CYRIA: variants seen among roughly 807,000 people sequenced by gnomAD.
CYRIA encodes the protein CYFIP related Rac1 interactor A.
In CYRIA, 15 loss-of-function variants were observed where a neutral mutation model predicts 43.9. That is an observed-to-expected ratio of 0.34 (90% CI 0.23 to 0.53). The LOEUF is 0.53. Among genes scored for constraint, CYRIA ranks in the 20% least tolerant of loss-of-function variants. The pLI is 0.94. For missense variants in CYRIA, 236 were observed against 394.2 expected (o/e 0.60, Z 3.40); for synonymous variants, 117 against 136.0 (o/e 0.86, Z 0.97).
At chr2:16,626,558 C>A (rs1669173006) in intron 1 of CYRIA, among the ~76,000 whole-genome samples, 1 of 152,158 alleles carries the variant, frequency 6.6e-6, no homozygotes, top group Admixed American at 6.5e-5. Flanking sequence ...CCCCACTACT[C>A]CAAACCAAAC....
chr2:16,643,591 ATTTTG>A (rs1159890447), intron 1 of CYRIA, among the ~76,000 whole-genome samples: 1 of 152,216 alleles, frequency 6.6e-6, no homozygotes, highest in Non-Finnish European at 1.5e-5. Flanking sequence ...TCCCTCTTCA[ATTTTG>A]TTTGCATTAC....
chr2:16,603,561 C>T (rs998139920), intron 2 of CYRIA, among the ~76,000 whole-genome samples: 2 of 152,142 alleles, frequency 1.3e-5, no homozygotes, highest in Non-Finnish European at 2.9e-5. Context: ...CTCCCTCCCC[C>T]TCTATTCTAC....
chr2:16,588,643 A>G (rs73211556), intron 2 of CYRIA, among the ~76,000 whole-genome samples: 11,692 of 152,100 alleles, frequency 0.077, 1,412 homozygotes, highest in African/African-American at 0.25. Flanking sequence ...GCATTTTAAA[A>G]ATACCTGTCC....
chr2:16,660,824 T>C (rs573189321), intron 1 of CYRIA, among the ~76,000 whole-genome samples: 73 of 152,300 alleles, frequency 4.8e-4, no homozygotes, highest in African/African-American at 1.8e-3. Flanking sequence ...GAAACACATC[T>C]GTCTGCAGCG....
Position 16,552,689 on chromosome 2 carries a change from T to C in CYRIA, c.*247A>G, listed in dbSNP as rs139923046. The C allele has an allele frequency of 2.5e-3, 1,141 of 459,674 alleles. 11 individuals carry two copies. The Admixed American group carries it at 0.028, about 11-fold the overall frequency. The allele number at this position is 459,674 out of a possible 1,614,324, so 28.5% of individuals were successfully genotyped here. A position where few individuals can be genotyped will look rare whatever the true frequency, so the allele number is the denominator to read the frequency against. ...TGTTAAAGGACTCCAGTAGCAAAGA[T>C]CAAAGTCTCCGAATTTTGCCTTTGG... On this transcript the variant is annotated 3_prime_UTR_variant, in exon 12 of 12. Transcript: ENST00000381323.
At chr2:16,618,378 G>T (rs1232385770) in intron 2 of CYRIA, among the ~76,000 whole-genome samples, 1 of 152,204 alleles carries the variant, frequency 6.6e-6, no homozygotes, top group Non-Finnish European at 1.5e-5. Flanking sequence ...GTTTTGGAGA[G>T]AATGGGGTCA....
intron 1 of CYRIA, among the ~76,000 whole-genome samples, chr2:16,663,108 T>C (rs1230303539): frequency 6.6e-6 from 1 of 152,266 alleles, no homozygotes; most frequent in East Asian, 1.9e-4. Flanking sequence ...TTTCAATCTC[T>C]GGACAGTGGT....
At chr2:16,652,738 C>T (rs1428880365) in intron 1 of CYRIA, among the ~76,000 whole-genome samples, 1 of 152,144 alleles carries the variant, frequency 6.6e-6, no homozygotes, top group Non-Finnish European at 1.5e-5. Context: ...TTTATAAACA[C>T]CAGTCCCCAG....
chr2:16,659,937 C>T (rs928197996), intron 1 of CYRIA, among the ~76,000 whole-genome samples: 2 of 152,092 alleles, frequency 1.3e-5, no homozygotes, highest in Admixed American at 6.5e-5. Flanking sequence ...CTCTGTGCCA[C>T]TCCTGTGTCT....
intron 2 of CYRIA, among the ~76,000 whole-genome samples, chr2:16,617,601 G>T (rs1362401198): frequency 6.6e-6 from 1 of 152,264 alleles, no homozygotes; most frequent in Non-Finnish European, 1.5e-5. Context: ...CAGGAGGGTA[G>T]GGTACACACT....
intron 10 of CYRIA, among the ~76,000 whole-genome samples, chr2:16,556,448 C>A (rs1666527182): frequency 6.6e-6 from 1 of 152,006 alleles, no homozygotes; most frequent in East Asian, 1.9e-4. Context: ...TTCTTATGAA[C>A]CAGGCCTAAG....
intron 5 of CYRIA, among the ~76,000 whole-genome samples, chr2:16,562,735 T>C (rs1341951125): frequency 2.0e-5 from 3 of 152,178 alleles, no homozygotes; most frequent in Non-Finnish European, 4.4e-5. Context: ...CACAGAGTCA[T>C]TTAACCAATC....
intron 2 of CYRIA, among the ~76,000 whole-genome samples, chr2:16,591,089 T>C (rs549931597): frequency 2.6e-5 from 4 of 152,280 alleles, no homozygotes; most frequent in Non-Finnish European, 5.9e-5. Context: ...GAATACAAAA[T>C]ATACGTTGCT....
intron 3 of CYRIA, among the ~76,000 whole-genome samples, chr2:16,568,924 A>T (rs773253561): frequency 1.3e-4 from 20 of 152,206 alleles, no homozygotes; most frequent in Admixed American, 1.1e-3. Context: ...AGAGCTGGAA[A>T]TTTTTTTTAA....
rs1169964068 is a variant in CYRIA at position 16,565,765 on chromosome 2, C to A, written c.73G>T (p.Ala25Ser). 1 of 1,564,564 alleles carries A rather than the reference C, an allele frequency of 6.4e-7. No individual in the cohort carries two copies. Among genetic ancestry groups the A allele is most frequent in the Non-Finnish European group, 8.7e-7 (1 of 1,143,816 alleles). Residue 25 changes from alanine (A) to serine (S), a missense_variant and splice_region_variant, in exon 4 of 12, where the codon GCT becomes TCT. By Grantham distance (99) the Ala-to-Ser change is moderately conservative. Around this residue, in one of 3 missense-constraint regions of CYRIA, gnomAD observed 193 missense variants for 303.9 expected, o/e 0.64. Coordinates refer to ENST00000381323, the MANE Select transcript of CYRIA (RefSeq NM_030797.4). ...TCTCTCTCTCCTTCTGTAGGCTGAG[C>A]ATCTAAGAAACAGGGAAACCGAGAG... The part of the protein sequence containing the change: ...YPHFFLDFEN[A>S]QPTEGEREIW...
At chr2:16,656,255 C>T (rs1336562778) in intron 1 of CYRIA, among the ~76,000 whole-genome samples, 4 of 152,032 alleles carry the variant, frequency 2.6e-5, no homozygotes, top group African/African-American at 4.8e-5. Context: ...CATACCTATA[C>T]ACACACAGCT....
intron 1 of CYRIA, among the ~76,000 whole-genome samples, chr2:16,663,880 T>G (rs917865921): frequency 2.6e-5 from 4 of 152,064 alleles, no homozygotes; most frequent in African/African-American, 9.7e-5. Flanking sequence ...CTGTGATCCC[T>G]CGGACAGGAC....
chr2:16,561,123 T>C, intron 8 of CYRIA, 38 bp downstream of exon 8: 1 of 1,610,818 alleles, frequency 6.2e-7, no homozygotes, highest in Non-Finnish European at 8.5e-7. Flanking sequence ...TTGTGTGGAA[T>C]TAAGGAAAAA....
chr2:16,591,134 TC>T (rs1667916497), intron 2 of CYRIA, among the ~76,000 whole-genome samples: 3 of 148,604 alleles, frequency 2.0e-5, no homozygotes. Flanking sequence ...CTTAATTAAT[TC>T]ATATAGAGCT....
Sources: gnomAD v4.1 joint callset for allele counts (sites outside exome capture counted in the v4.1 genomes callset) on GRCh38, gnomAD v4.1.1 for gene constraint, gnomAD v4.1.1 regional missense constraint, MANE v1.5 for transcripts, NCBI Gene and HGNC (gene_info 2026-07-23, HGNC 2026-07-21) for gene names.